Variants in SPAG16 observed in about 807,000 individuals in gnomAD.
The protein encoded by SPAG16 is sperm associated antigen 16.
SPAG16 carries 86 observed loss-of-function variants against 80.4 expected under a neutral mutation model. The observed-to-expected ratio is 1.07, with a 90% CI of 0.90 to 1.28. The LOEUF (loss-of-function observed/expected upper bound fraction) is 1.28. Among genes scored for constraint, SPAG16 ranks in the 50% most tolerant of loss-of-function variants. The pLI, the probability that SPAG16 is intolerant of heterozygous loss-of-function variation, is 0.00. For missense variants in SPAG16, 870 were observed against 765.3 expected, an observed-to-expected ratio of 1.14 and a Z score of -1.61; for synonymous variants, 294 against 265.9, an observed-to-expected ratio of 1.11 and a Z score of -1.03.
At chr2:213,920,381 T>G (rs1483829794) in intron 11 of SPAG16, among the ~76,000 whole-genome samples, 2 of 152,182 alleles carry the variant, frequency 1.3e-5, no homozygotes, top group Non-Finnish European at 2.9e-5. Flanking sequence ...GTGTCACTGG[T>G]CTGTATACTG....
intron 12 of SPAG16, among the ~76,000 whole-genome samples, chr2:214,001,703 A>G (rs1008614817): frequency 2.6e-4 from 39 of 152,216 alleles, no homozygotes; most frequent in African/African-American, 9.2e-4. Context: ...GGTACGGATG[A>G]CAGGCATCAA....
chr2:214,185,027 C>T (rs1559113212), intron 15 of SPAG16, among the ~76,000 whole-genome samples: 1 of 151,734 alleles, frequency 6.6e-6, no homozygotes, highest in East Asian at 1.9e-4. Flanking sequence ...TTATTAATCT[C>T]AATAATCAGT....
At chr2:214,270,337 A>G (rs1691900153) in intron 15 of SPAG16, among the ~76,000 whole-genome samples, 1 of 152,192 alleles carries the variant, frequency 6.6e-6, no homozygotes, top group African/African-American at 2.4e-5. Flanking sequence ...CATATTTAAA[A>G]AGTAAAAATG....
intron 15 of SPAG16, among the ~76,000 whole-genome samples, chr2:214,211,415 TA>T (rs2058289956): frequency 6.6e-6 from 1 of 152,224 alleles, no homozygotes; most frequent in Non-Finnish European, 1.5e-5. Flanking sequence ...ATAATATTGC[TA>T]ACTCCTCAGG....
intron 10 of SPAG16, among the ~76,000 whole-genome samples, chr2:213,810,674 T>C (rs1205774709): frequency 6.6e-6 from 1 of 152,072 alleles, no homozygotes; most frequent in African/African-American, 2.4e-5. Flanking sequence ...AGCAGCAAAG[T>C]GTATCAAAAG....
At chr2:213,420,090 A>C (rs2125432511) in intron 9 of SPAG16, among the ~76,000 whole-genome samples, 1 of 152,340 alleles carries the variant, frequency 6.6e-6, no homozygotes, top group South Asian at 2.1e-4. Context: ...ATTGGTTTAC[A>C]ATTTTCATTT....
intron 4 of SPAG16, among the ~76,000 whole-genome samples, chr2:213,312,007 A>G (rs1392868203): frequency 6.6e-6 from 1 of 151,562 alleles, no homozygotes; most frequent in Non-Finnish European, 1.5e-5. Context: ...GGGTTAGAAA[A>G]CTAAGATCCT....
intron 15 of SPAG16, among the ~76,000 whole-genome samples, chr2:214,382,426 CT>C (rs1280034427): frequency 6.6e-6 from 1 of 152,186 alleles, no homozygotes; most frequent in African/African-American, 2.4e-5. Context: ...TTGTGGGCCC[CT>C]ATCCAGTGAC....
Position 213,866,256 on chromosome 2 carries a change from T to C in SPAG16, c.1214+3628T>C, listed in dbSNP as rs543035555. On this transcript the variant is annotated intron_variant, in intron 11 of 15. Transcript: ENST00000331683. ...TTTTAAAAATAAAGCATAAACATAA[T>C]TTTAAACCTAACGGATACAGTACTC... Among the ~76,000 whole-genome samples, 3 of 152,148 alleles carry C rather than the reference T, an allele frequency of 2.0e-5. No homozygotes were observed. In the South Asian group the frequency reaches 6.2e-4, roughly 32 times the overall value.
At chr2:213,773,754 A>G (rs2069402317) in intron 10 of SPAG16, among the ~76,000 whole-genome samples, 1 of 151,850 alleles carries the variant, frequency 6.6e-6, no homozygotes, top group African/African-American at 2.4e-5. Flanking sequence ...GAGTTTCACC[A>G]TCTTGGCCAG....
intron 15 of SPAG16, among the ~76,000 whole-genome samples, chr2:214,176,281 A>T (rs2058990): frequency 0.14 from 20,398 of 149,668 alleles, 1,474 homozygotes; most frequent in South Asian, 0.24. Flanking sequence ...TTCTTTTTTT[A>T]AAAAAAAAAC....
intron 10 of SPAG16, among the ~76,000 whole-genome samples, chr2:213,686,412 G>A (rs931986869): frequency 6.6e-5 from 10 of 152,144 alleles, no homozygotes; most frequent in South Asian, 2.1e-4. Flanking sequence ...CAAAGCGCCC[G>A]GCTGTTACTT....
At chr2:213,676,760 T>C (rs1241023202) in intron 10 of SPAG16, among the ~76,000 whole-genome samples, 1 of 150,478 alleles carries the variant, frequency 6.6e-6, no homozygotes, top group East Asian at 1.9e-4. Flanking sequence ...ATAAGCTTTT[T>C]GATGTGCTGC....
At chr2:214,126,749 A>G (rs995796788) in intron 14 of SPAG16, among the ~76,000 whole-genome samples, 1 of 151,810 alleles carries the variant, frequency 6.6e-6, no homozygotes, top group Non-Finnish European at 1.5e-5. Context: ...GTGTATCTAC[A>G]TCATGTAATA....
chr2:213,505,688 A>T (rs1447697131), intron 10 of SPAG16, among the ~76,000 whole-genome samples: 1 of 152,048 alleles, frequency 6.6e-6, no homozygotes, highest in East Asian at 1.9e-4. Flanking sequence ...TTTTTAATAG[A>T]GTAATGCATG....
intron 13 of SPAG16, among the ~76,000 whole-genome samples, chr2:214,057,177 ACT>A (rs2049988049): frequency 6.9e-5 from 2 of 29,156 alleles, no homozygotes; most frequent in South Asian, 1.8e-3. Flanking sequence ...TTTTCAGTTT[ACT>A]TTTTTTTTTT....
chr2:213,923,193 G>T (rs1304916964), intron 11 of SPAG16, among the ~76,000 whole-genome samples: 1 of 139,666 alleles, frequency 7.2e-6, no homozygotes. Context: ...AGTGGCAGGG[G>T]TTGGTGGGGA....
chr2:213,388,055 G>T (rs2067542846), intron 9 of SPAG16, among the ~76,000 whole-genome samples: 1 of 152,244 alleles, frequency 6.6e-6, no homozygotes, highest in Admixed American at 6.5e-5. Context: ...CCACAGGAAG[G>T]ATTGGACAGT....
At chr2:213,747,126 A>C (rs377349068) in intron 10 of SPAG16, among the ~76,000 whole-genome samples, 3 of 152,224 alleles carry the variant, frequency 2.0e-5, no homozygotes, top group East Asian at 3.9e-4. Flanking sequence ...GTGTAGGCCT[A>C]GGCTAAGTAT....
Sources: gnomAD v4.1 joint callset for allele counts (sites outside exome capture counted in the v4.1 genomes callset) on GRCh38, gnomAD v4.1.1 for gene constraint, MANE v1.5 for transcripts, NCBI Gene and HGNC (gene_info 2026-07-23, HGNC 2026-07-21) for gene names.